STXBP4: variants seen among roughly 807,000 people sequenced by gnomAD.
STXBP4 encodes syntaxin binding protein 4.
A neutral mutation model predicts 76.1 loss-of-function variants in STXBP4; 55 were observed. That is an observed-to-expected ratio of 0.72 (90% CI 0.58 to 0.91). The LOEUF (loss-of-function observed/expected upper bound fraction) is 0.91. Ranked by LOEUF, STXBP4 falls within the 40% of genes least tolerant of loss-of-function variation. STXBP4 has a pLI of 0.00. For synonymous variants in STXBP4, 201 were observed against 220.2 expected, an observed-to-expected ratio of 0.91 and a Z score of 0.77; for missense variants, 618 against 636.9, an observed-to-expected ratio of 0.97 and a Z score of 0.32.
At chr17:55,113,086 T>G (rs2079740111) in intron 16 of STXBP4, among the ~76,000 whole-genome samples, 1 of 152,100 alleles carries the variant, frequency 6.6e-6, no homozygotes, top group South Asian at 2.1e-4. Context: ...CAGTACCTCT[T>G]AGGACCTCTT....
downstream of STXBP4, among the ~76,000 whole-genome samples, chr17:55,178,011 G>A (rs916371068): frequency 3.3e-5 from 5 of 152,148 alleles, no homozygotes; most frequent in African/African-American, 1.2e-4. Flanking sequence ...CCTGGGTTGT[G>A]CAGAATTTTA....
intron 17 of STXBP4, among the ~76,000 whole-genome samples, chr17:55,155,248 C>T (rs2080263797): frequency 6.6e-6 from 1 of 152,018 alleles, no homozygotes; most frequent in African/African-American, 2.4e-5. Flanking sequence ...AGATTATATG[C>T]TGCTTTATCA....
At chr17:55,150,601 G>C (rs989085096) in intron 17 of STXBP4, among the ~76,000 whole-genome samples, 3 of 152,104 alleles carry the variant, frequency 2.0e-5, no homozygotes, top group Non-Finnish European at 2.9e-5. Context: ...TCTTCATTCT[G>C]TAGATTATAT....
At chr17:55,212,517 CATCTT>C in the STXBP4 span, among the ~76,000 whole-genome samples, 91 of 152,212 alleles carry the variant, frequency 6.0e-4, no homozygotes, top group Middle Eastern at 0.01. Flanking sequence ...AATATTTAGT[CATCTT>C]ATCTGGAAAT....
At chr17:55,145,373 C>T (rs868517683) in intron 17 of STXBP4, among the ~76,000 whole-genome samples, 4 of 152,122 alleles carry the variant, frequency 2.6e-5, no homozygotes, top group Admixed American at 6.5e-5. Context: ...TGACTGAAAT[C>T]ACCCTCCCAG....
At chr17:55,199,755 C>T in the STXBP4 span, among the ~76,000 whole-genome samples, 1 of 152,202 alleles carries the variant, frequency 6.6e-6, no homozygotes, top group African/African-American at 2.4e-5. Flanking sequence ...TCCTCGAGTG[C>T]TTAAAGCCTA....
intron 4 of STXBP4, among the ~76,000 whole-genome samples, chr17:54,997,895 T>A (rs2077842157): frequency 6.6e-6 from 1 of 151,762 alleles, no homozygotes; most frequent in Non-Finnish European, 1.5e-5. Flanking sequence ...GCTTATATAT[T>A]TTTAAAAATT....
chr17:55,020,028 G>C (rs997842290), intron 8 of STXBP4, among the ~76,000 whole-genome samples: 1 of 152,128 alleles, frequency 6.6e-6, no homozygotes, highest in African/African-American at 2.4e-5. Flanking sequence ...GATTTTTCAG[G>C]CTTCGTAAAT....
Position 54,991,074 on chromosome 17 carries a change from A to G in STXBP4, c.180+117A>G. 2.6e-6 allele frequency: 3 copies of G among 1,150,682 alleles called. No homozygotes were observed. The South Asian group carries it at 8.2e-5, about 32-fold the overall frequency. The allele number at this position is 1,150,682 out of a possible 1,614,324, so 71.3% of individuals were successfully genotyped here. ...TCCACTGTGACCATACCTCAGTGAAAAATACAAAGGAATTAGAAGATAAGA... is the reference window on the plus strand; with the variant it reads ...TCCACTGTGACCATACCTCAGTGAAGAATACAAAGGAATTAGAAGATAAGA... On this transcript the variant is annotated intron_variant, in intron 4 of 17. Coordinates refer to ENST00000376352, the MANE Select transcript of STXBP4 (RefSeq NM_178509.6).
intron 12 of STXBP4, among the ~76,000 whole-genome samples, chr17:55,062,666 A>G (rs2062771228): frequency 6.6e-6 from 1 of 152,122 alleles, no homozygotes; most frequent in African/African-American, 2.4e-5. Context: ...TCCTTGAGAA[A>G]TCTCCACACT....
chr17:54,977,923 C>T (rs774369775), intron 1 of STXBP4, among the ~76,000 whole-genome samples: 1 of 152,144 alleles, frequency 6.6e-6, no homozygotes, highest in Non-Finnish European at 1.5e-5. Flanking sequence ...AGAAACCAGA[C>T]AGATTATTTA....
chr17:55,199,043 C>A, the STXBP4 span, among the ~76,000 whole-genome samples: 1 of 152,108 alleles, frequency 6.6e-6, no homozygotes, highest in Admixed American at 6.6e-5. Flanking sequence ...AATAAAAAAT[C>A]TTTCAAGAAA....
rs1013812335 is a variant in STXBP4, at chr17:55,160,219, T to C, written c.*308T>C. ...TTAGATCTTTCTTTGTAATTTCATA[T>C]GTAGTTCTTCATAGGGTCTCAGATA... is the stretch of plus-strand genomic sequence containing the variant. On this transcript the variant is annotated 3_prime_UTR_variant, in exon 18 of 18. Transcript: ENST00000376352. The C allele has an allele frequency of 1.8e-5, 3 of 168,050 alleles. No individual in the cohort carries two copies. The highest frequency in any genetic ancestry group is 6.3e-5 in the Admixed American group (1 of 15,850). The allele number at this position is 168,050 out of a possible 1,614,324, so 10.4% of individuals were successfully genotyped here. A position where few individuals can be genotyped will look rare whatever the true frequency, so the allele number is the denominator to read the frequency against.
chr17:54,972,289 T>G (rs2077412258), intron 1 of STXBP4, among the ~76,000 whole-genome samples: 2 of 152,226 alleles, frequency 1.3e-5, no homozygotes, highest in African/African-American at 4.8e-5. Context: ...TCATCATATT[T>G]TCTCCTGCCA....
At position 55,173,508 on chromosome 17, in the gene STXBP4, TTTA is replaced by T. The variant is rs2080417485; in HGVS notation, c.*13601_*13603del. 6.6e-6 allele frequency: 1 copy of T among 152,224 alleles called. No homozygotes were observed. Among genetic ancestry groups the T allele is most frequent in the African/African-American group, 2.4e-5 (1 of 41,460 alleles). The allele number at this position is 152,224 out of a possible 1,614,324, so 9.4% of individuals were successfully genotyped here. On this transcript the variant is annotated 3_prime_UTR_variant, in exon 18 of 18. Transcript: ENST00000376352. ...TCGTTGTGTGTATCAGTAGTTTGTTTTTATTACTGGGTTATAGTTCATTGTATG... is the reference window on the plus strand; with the variant it reads ...TCGTTGTGTGTATCAGTAGTTTGTTTTTACTGGGTTATAGTTCATTGTATG...
rs1056558915 is a variant in STXBP4 at position 54,999,082 on chromosome 17, C to G, written c.181-263C>G. ...CAGGTCCCTTTTCCTGGTATACTGG[C>G]CTATGTCCTACCTACCATATTAAGA... On this transcript the variant is annotated intron_variant, in intron 4 of 17. Transcript: ENST00000376352. Among the ~76,000 whole-genome samples the G allele has an allele frequency of 2.3e-5, 3 of 128,128 alleles. 1 individual carries two copies. The highest frequency in any genetic ancestry group is 2.8e-4 in the East Asian group (1 of 3,568). 84.1% of individuals were successfully genotyped at this position (128,128 alleles called of 152,430 possible). A position where few individuals can be genotyped will look rare whatever the true frequency, so the allele number is the denominator to read the frequency against.
intron 16 of STXBP4, among the ~76,000 whole-genome samples, chr17:55,119,847 T>C (rs1446242241): frequency 6.6e-6 from 1 of 152,092 alleles, no homozygotes; most frequent in African/African-American, 2.4e-5. Context: ...ATGCTTCTGA[T>C]ATTTAAATAC....
the STXBP4 span, among the ~76,000 whole-genome samples, chr17:55,207,454 A>G: frequency 6.6e-6 from 1 of 152,200 alleles, no homozygotes; most frequent in African/African-American, 2.4e-5. Flanking sequence ...CCACACAGGA[A>G]TGAGCTATTC....
chr17:55,182,645 G>A, the STXBP4 span, among the ~76,000 whole-genome samples: 8 of 151,802 alleles, frequency 5.3e-5, no homozygotes, highest in African/African-American at 1.4e-4. Flanking sequence ...TACAAAGAAA[G>A]CCACATCTAG....
Sources: allele counts gnomAD v4.1 joint callset (sites outside exome capture counted in the v4.1 genomes callset), GRCh38; gene constraint gnomAD v4.1.1; transcripts MANE v1.5; gene names NCBI Gene and HGNC (gene_info 2026-07-23, HGNC 2026-07-21).